AP1B1: variants seen among roughly 807,000 people sequenced by gnomAD.
AP1B1 encodes adaptor related protein complex 1 subunit beta 1.
Under a neutral mutation model 104.3 loss-of-function variants are expected in AP1B1, and 36 were observed. The observed-to-expected ratio is 0.35, with a 90% CI of 0.26 to 0.46. The LOEUF (loss-of-function observed/expected upper bound fraction) is 0.46. Among genes scored for constraint, AP1B1 ranks in the 20% least tolerant of loss-of-function variants. AP1B1 has a pLI of 1.00. For synonymous variants in AP1B1, 504 were observed against 517.5 expected (o/e 0.97, Z 0.35); for missense variants, 901 against 1,247.9 (o/e 0.72, Z 4.19).
At chr22:29,386,026 T>C (rs1407387379) in intron 1 of AP1B1, among the ~76,000 whole-genome samples, 1 of 152,194 alleles carries the variant, frequency 6.6e-6, no homozygotes, top group Non-Finnish European at 1.5e-5. Flanking sequence ...AGGTCTCTGT[T>C]TGCAGAAGGA....
At chr22:29,384,192 C>T (rs1164852022) in intron 1 of AP1B1, among the ~76,000 whole-genome samples, 2 of 152,112 alleles carry the variant, frequency 1.3e-5, no homozygotes, top group African/African-American at 4.8e-5. Flanking sequence ...TTAGCAGTGC[C>T]CGGCCCACAA....
rs780638037 is a variant in AP1B1, at chr22:29,351,687, C to A, written c.1059+18G>T. ...GTCCCACACTGAGCCCGTGTCCTGACCATCACACGCAGCTGACCTGGGCGA... is the reference window on the plus strand; with the variant it reads ...GTCCCACACTGAGCCCGTGTCCTGAACATCACACGCAGCTGACCTGGGCGA... On this transcript the variant is annotated intron_variant, in intron 8 of 22. Transcript: ENST00000357586. 2 of 1,613,148 alleles carry A rather than the reference C, an allele frequency of 1.2e-6. No homozygotes were observed.
intron 1 of AP1B1, among the ~76,000 whole-genome samples, chr22:29,376,783 C>T (rs2062349700): frequency 6.6e-6 from 1 of 152,198 alleles, no homozygotes; most frequent in South Asian, 2.1e-4. Flanking sequence ...ATTCATTTGA[C>T]AAGTATTCCT....
At chr22:29,356,384 G>T in intron 6 of AP1B1, 42 bp downstream of exon 6, 3 of 1,575,440 alleles carry the variant, frequency 1.9e-6, no homozygotes, top group Non-Finnish European at 2.6e-6. Context: ...TGAGGACCAG[G>T]GTCCTCAAGC....
At chr22:29,331,952 G>C (rs532340302) in intron 17 of AP1B1, 36 bp from the exon 18 acceptor site, 23 of 1,584,438 alleles carry the variant, frequency 1.5e-5, no homozygotes, top group Middle Eastern at 3.7e-4. Flanking sequence ...ATGGCAGGGG[G>C]AGTAGGTGCT....
In AP1B1 at chr22:29,331,875, G is replaced by T; in HGVS notation, c.2351C>A (p.Pro784Gln). 1 of 1,613,284 alleles carries T rather than the reference G, an allele frequency of 6.2e-7. No homozygotes were observed. The highest frequency in any genetic ancestry group is 8.5e-7 in the Non-Finnish European group (1 of 1,179,494). Reference sequence around the variant, plus strand: ...CTCCACTGTCTGGTTGGGGCTGAGTGGCGCGTGGACCTGGAGGGGGGCGGC... The same window carrying T: ...CTCCACTGTCTGGTTGGGGCTGAGTTGCGCGTGGACCTGGAGGGGGGCGGC... ...APAAPLQVHA[P>Q]LSPNQTVEIS... Residue 784 changes from proline to glutamine, a missense_variant, in exon 18 of 23, where the codon CCA becomes CAA. This residue lies in a region of AP1B1 where 424 missense variants were observed against 494.0 expected (regional missense o/e 0.86). Coordinates refer to ENST00000357586, the MANE Select transcript of AP1B1 (RefSeq NM_001127.4).
At chr22:29,379,629 G>T (rs9613877) in intron 1 of AP1B1, among the ~76,000 whole-genome samples, 17,580 of 152,190 alleles carry the variant, frequency 0.12, 1,491 homozygotes, top group East Asian at 0.38. Context: ...GTAAAGGACT[G>T]CAGGGGAACG....
intron 12 of AP1B1, 45 bp downstream of exon 12, chr22:29,342,240 G>A: frequency 6.6e-7 from 1 of 1,507,834 alleles, no homozygotes; most frequent in Non-Finnish European, 9.2e-7. Context: ...TCCCCTGCTT[G>A]AGTGAGGGCT....
intron 21 of AP1B1, chr22:29,330,104 G>C: frequency 7.1e-7 from 1 of 1,416,362 alleles, no homozygotes; most frequent in Non-Finnish European, 9.2e-7. Context: ...TCCCAGTCAG[G>C]GGTGCCAAAC....
In AP1B1 at chr22:29,356,871, G is replaced by A. The variant is rs548561168; in HGVS notation, c.526-255C>T. 3.1e-3 allele frequency among the ~76,000 whole-genome samples: 475 copies of A among 152,266 alleles called. 2 individuals are homozygous for A. Among genetic ancestry groups the A allele is most frequent in the African/African-American group, 0.011 (455 of 41,556 alleles). On this transcript the variant is annotated intron_variant, in intron 5 of 22. Coordinates refer to ENST00000357586, the MANE Select transcript of AP1B1 (RefSeq NM_001127.4). ...AGCTCCAAGGGCTTAGCCACAGAAA[G>A]CATTCTCAGCTTCCTAACACAGCAG...
intron 15 of AP1B1, 97 bp from the exon 16 acceptor site, chr22:29,339,230 G>C: frequency 7.3e-7 from 1 of 1,360,972 alleles, no homozygotes; most frequent in Admixed American, 1.8e-5. Context: ...AGAAGACACT[G>C]GGGGCAGGGG....
chr22:29,337,748 C>T (rs1002077369), intron 16 of AP1B1, among the ~76,000 whole-genome samples: 4 of 152,320 alleles, frequency 2.6e-5, no homozygotes, highest in African/African-American at 7.2e-5. Context: ...TCCCTCAGCC[C>T]CGGCTCCTCC....
At chr22:29,351,305 A>ATGGGGCAATCTGC in intron 8 of AP1B1, 39 bp from the exon 9 acceptor site, 1 of 1,600,748 alleles carries the variant, frequency 6.2e-7, no homozygotes, top group Non-Finnish European at 8.6e-7. Context: ...GGGGCACCTG[A>ATGGGGCAATCTGC]TGGGGCAATC....
At position 29,376,620 on chromosome 22, in the gene AP1B1, T is replaced by C. The variant is rs1764685510; in HGVS notation, c.-27-9350A>G. On this transcript the variant is annotated intron_variant, in intron 1 of 22. Coordinates refer to ENST00000357586, the MANE Select transcript of AP1B1 (RefSeq NM_001127.4). ...CAGAAACCTGCTCCATAGAACCTGTTAGCTCATGGACAGTCAAGAGGAAGT... is the reference window on the plus strand; with the variant it reads ...CAGAAACCTGCTCCATAGAACCTGTCAGCTCATGGACAGTCAAGAGGAAGT... Among the ~76,000 whole-genome samples, 3 of 151,884 alleles carry C rather than the reference T, an allele frequency of 2.0e-5. No homozygotes were observed. In the South Asian group the frequency reaches 6.3e-4, roughly 32 times the overall value.
intron 18 of AP1B1, 114 bp downstream of exon 18, chr22:29,331,673 C>T: frequency 6.3e-7 from 1 of 1,597,380 alleles, no homozygotes; most frequent in South Asian, 1.1e-5. Context: ...TGGGCCTCCC[C>T]AACACATCTG....
chr22:29,379,289 A>G (rs2148051269), intron 1 of AP1B1, among the ~76,000 whole-genome samples: 1 of 152,274 alleles, frequency 6.6e-6, no homozygotes, highest in East Asian at 1.9e-4. Flanking sequence ...AAATCGCACC[A>G]CTGCACTCTG....
chr22:29,369,597 T>C (rs1227350758), intron 1 of AP1B1, among the ~76,000 whole-genome samples: 1 of 152,206 alleles, frequency 6.6e-6, no homozygotes, highest in African/African-American at 2.4e-5. Context: ...GCATGAGTCA[T>C]GGCTGTAGAC....
Position 29,329,591 on chromosome 22 carries a change from C to T in AP1B1, c.2775+121G>A, listed in dbSNP as rs373078599. The stretch of plus-strand genomic sequence containing the variant: ...CTCAATCAGGGCCACCTGGCTGAAG[C>T]CCCCCGGGTGAGGTGAGGCCAAGAG... On this transcript the variant is annotated intron_variant, in intron 22 of 22. Transcript: ENST00000357586. 7 of 1,541,686 alleles carry T rather than the reference C, an allele frequency of 4.5e-6. No homozygotes were observed. The African/African-American group carries it at 9.6e-5, about 21-fold the overall frequency.
intron 5 of AP1B1, 87 bp from the exon 6 acceptor site, chr22:29,356,703 G>T: frequency 1.5e-6 from 2 of 1,300,312 alleles, no homozygotes; most frequent in Non-Finnish European, 1.1e-6. Flanking sequence ...CTGGTCAGAG[G>T]TCAAATATCC....
Sources: gnomAD v4.1 joint callset for allele counts (sites outside exome capture counted in the v4.1 genomes callset) on GRCh38, gnomAD v4.1.1 for gene constraint, gnomAD v4.1.1 regional missense constraint, MANE v1.5 for transcripts, NCBI Gene and HGNC (gene_info 2026-07-23, HGNC 2026-07-21) for gene names.